Variants in ADAMTS18 observed in about 807,000 individuals in gnomAD.
The protein encoded by ADAMTS18 is ADAM metallopeptidase with thrombospondin type 1 motif 18, also known as A disintegrin and metalloproteinase with thrombospondin motifs 18.
Under a neutral mutation model 165.9 loss-of-function variants are expected in ADAMTS18, and 157 were observed. The observed-to-expected ratio is 0.95, with a 90% confidence interval of 0.83 to 1.08. ADAMTS18 has a LOEUF of 1.08. Among genes scored for constraint, ADAMTS18 ranks in the 50% least tolerant of loss-of-function variants. The pLI is 0.00. For missense variants in ADAMTS18, 2,040 were observed against 1,534.0 expected (o/e 1.33, Z -5.51); for synonymous variants, 782 against 578.2 (o/e 1.35, Z -5.06).
intron 13 of ADAMTS18, among the ~76,000 whole-genome samples, chr16:77,324,170 G>A (rs952773651): frequency 1.3e-5 from 2 of 152,196 alleles, no homozygotes; most frequent in Non-Finnish European, 2.9e-5. Flanking sequence ...AAGAACAGAA[G>A]AGGAAGTAAA....
intron 9 of ADAMTS18, among the ~76,000 whole-genome samples, chr16:77,354,441 C>T (rs947945842): frequency 2.6e-5 from 4 of 151,934 alleles, no homozygotes; most frequent in Admixed American, 1.3e-4. Flanking sequence ...GGGGATGAGG[C>T]AGAAAAATTT....
At chr16:77,292,440 C>G (rs907807947) in intron 20 of ADAMTS18, among the ~76,000 whole-genome samples, 1 of 152,116 alleles carries the variant, frequency 6.6e-6, no homozygotes, top group African/African-American at 2.4e-5. Context: ...AGGCTGCACC[C>G]TCTGTCTGGG....
chr16:77,308,597 T>C (rs1433210560), intron 16 of ADAMTS18, among the ~76,000 whole-genome samples: 1 of 148,012 alleles, frequency 6.8e-6, no homozygotes, highest in East Asian at 2.1e-4. Flanking sequence ...AAAAAAAAAC[T>C]TGTGTACATT....
intron 16 of ADAMTS18, among the ~76,000 whole-genome samples, chr16:77,301,786 T>C (rs539844884): frequency 6.6e-6 from 1 of 152,312 alleles, no homozygotes; most frequent in Non-Finnish European, 1.5e-5. Context: ...GGTGTACACA[T>C]CAGTTTGTAG....
chr16:77,427,133 A>C (rs1337485695), intron 3 of ADAMTS18, among the ~76,000 whole-genome samples: 2 of 152,214 alleles, frequency 1.3e-5, no homozygotes. Context: ...CTGGAGAATT[A>C]AAAATACACC....
chr16:77,323,003 A>AG (rs778900983), intron 13 of ADAMTS18, among the ~76,000 whole-genome samples: 12 of 152,182 alleles, frequency 7.9e-5, no homozygotes, highest in Non-Finnish European at 1.6e-4. Context: ...AAACATATAG[A>AG]GAAAAAAAAC....
chr16:77,434,724 T>C lies in ADAMTS18; in HGVS notation c.-29A>G. ...CAGGTGCGGACGCGGCGGCTGCGGG[T>C]GGCCAGACGCGGCAGGCGGAGCGCA... On this transcript the variant is annotated 5_prime_UTR_variant, in exon 1 of 23. Coordinates refer to ENST00000282849, the MANE Select transcript of ADAMTS18 (RefSeq NM_199355.4). The C allele has an allele frequency of 7.1e-7, 1 of 1,416,292 alleles. No individual in the cohort carries two copies. The highest frequency in any genetic ancestry group is 1.4e-5 in the South Asian group (1 of 69,382). The allele number at this position is 1,416,292 out of a possible 1,614,324, so 87.7% of individuals were successfully genotyped here. A position where few individuals can be genotyped will look rare whatever the true frequency, so the allele number is the denominator to read the frequency against.
intron 16 of ADAMTS18, among the ~76,000 whole-genome samples, chr16:77,315,346 C>G (rs901790311): frequency 1.3e-5 from 2 of 152,156 alleles, no homozygotes; most frequent in African/African-American, 4.8e-5. Flanking sequence ...CTATTGTAAA[C>G]TGAATTTGCA....
At chr16:77,291,145 T>C in intron 21 of ADAMTS18, 121 bp downstream of exon 21, 2 of 1,114,300 alleles carry the variant, frequency 1.8e-6, no homozygotes, top group Non-Finnish European at 2.7e-6. Flanking sequence ...CCTTCAGAAC[T>C]TGAGCCCTTA....
intron 3 of ADAMTS18, among the ~76,000 whole-genome samples, chr16:77,430,081 C>T (rs973223182): frequency 6.6e-6 from 1 of 151,928 alleles, no homozygotes; most frequent in East Asian, 1.9e-4. Flanking sequence ...CTTTAGGACA[C>T]CGGAATAGAC....
At chr16:77,363,695 T>G (rs576872300) in intron 6 of ADAMTS18, 107 bp downstream of exon 6, 2 of 997,004 alleles carry the variant, frequency 2.0e-6, no homozygotes, top group South Asian at 2.7e-5. Context: ...AGTTTCAAAT[T>G]TGAGCAGCTA....
At chr16:77,292,452 C>A (rs141191347) in intron 20 of ADAMTS18, among the ~76,000 whole-genome samples, 156 of 152,282 alleles carry the variant, frequency 1.0e-3, no homozygotes, top group African/African-American at 3.6e-3. Flanking sequence ...CTGTCTGGGA[C>A]AACCTTGCCC....
intron 3 of ADAMTS18, among the ~76,000 whole-genome samples, chr16:77,397,068 C>T (rs954295343): frequency 6.6e-6 from 1 of 152,168 alleles, no homozygotes; most frequent in East Asian, 1.9e-4. Flanking sequence ...CTCAGCCTCC[C>T]AAAGTGCTGG....
In ADAMTS18 at chr16:77,397,666, T is replaced by C. The variant is rs1042093206; in HGVS notation, c.496-29943A>G. Among the ~76,000 whole-genome samples the C allele has an allele frequency of 1.1e-4, 17 of 152,352 alleles. No homozygotes were observed. In the East Asian group the frequency reaches 1.2e-3, roughly 10 times the overall value. ...GAGAAAATGTTGATATTTAGGATGA[T>C]TGCAAACTGGTAGCAGACATGTGCT... On this transcript the variant is annotated intron_variant, in intron 3 of 22. Transcript: ENST00000282849.
intron 3 of ADAMTS18, among the ~76,000 whole-genome samples, chr16:77,421,229 G>A (rs2144848696): frequency 6.6e-6 from 1 of 152,296 alleles, no homozygotes; most frequent in East Asian, 1.9e-4. Flanking sequence ...CATCCCTTCA[G>A]GAGAGGTGAG....
intron 10 of ADAMTS18, among the ~76,000 whole-genome samples, chr16:77,345,919 C>G (rs749016685): frequency 5.9e-5 from 9 of 152,144 alleles, no homozygotes; most frequent in Non-Finnish European, 1.3e-4. Flanking sequence ...TAACTGTCAT[C>G]CACAAAGTCA....
chr16:77,354,029 G>C, intron 9 of ADAMTS18, 143 bp from the exon 10 acceptor site: 2 of 1,054,306 alleles, frequency 1.9e-6, no homozygotes, highest in Non-Finnish European at 2.9e-6. Flanking sequence ...TCAAATCTAT[G>C]TTTATGCCAA....
chr16:77,368,731 A>C (rs1003065653), intron 3 of ADAMTS18, among the ~76,000 whole-genome samples: 4 of 152,126 alleles, frequency 2.6e-5, no homozygotes, highest in Admixed American at 6.6e-5. Flanking sequence ...CACAGTTGCT[A>C]AATCAATGTT....
intron 3 of ADAMTS18, among the ~76,000 whole-genome samples, chr16:77,382,498 C>T (rs2057046185): frequency 6.6e-6 from 1 of 152,196 alleles, no homozygotes; most frequent in Non-Finnish European, 1.5e-5. Context: ...GTGTGAGCCA[C>T]CGTGCCTGGC....
Sources: allele counts gnomAD v4.1 joint callset (sites outside exome capture counted in the v4.1 genomes callset), GRCh38; gene constraint gnomAD v4.1.1; transcripts MANE v1.5; gene names NCBI Gene and HGNC (gene_info 2026-07-23, HGNC 2026-07-21).